ADAM10: variants seen among roughly 807,000 people sequenced by gnomAD.
ADAM10 encodes ADAM metallopeptidase domain 10.
In ADAM10, 17 loss-of-function variants were observed where a neutral mutation model predicts 90.1. The ratio of observed to expected loss-of-function variants is 0.19; its 90% confidence interval spans 0.13 to 0.28. ADAM10 has a LOEUF of 0.28. ADAM10 is among the 10% of genes least tolerant of loss of function. The pLI, the probability that ADAM10 is intolerant of heterozygous loss-of-function variation, is 1.00. For synonymous variants in ADAM10, 310 were observed against 298.6 expected (o/e 1.04, Z -0.40); for missense variants, 610 against 914.3 (o/e 0.67, Z 4.29).
chr15:58,663,858 T>C (rs569138300), intron 5 of ADAM10, among the ~76,000 whole-genome samples: 29 of 152,220 alleles, frequency 1.9e-4, no homozygotes, highest in Non-Finnish European at 3.2e-4. Flanking sequence ...AGTCTACTCG[T>C]GGTATAAATA....
Position 58,596,671 on chromosome 15 carries a change from A to G in ADAM10, c.*876T>C, listed in dbSNP as rs1894961003. The G allele has an allele frequency of 6.6e-6, 1 of 152,318 alleles. No individual in the cohort carries two copies. Among genetic ancestry groups the G allele is most frequent in the African/African-American group, 2.4e-5 (1 of 41,466 alleles). 9.4% of individuals were successfully genotyped at this position (152,318 alleles called of 1,614,324 possible). A position where few individuals can be genotyped will look rare whatever the true frequency, so the allele number is the denominator to read the frequency against. On this transcript the variant is annotated 3_prime_UTR_variant, in exon 16 of 16. Transcript: ENST00000260408. ...TCAAAGCATGAATAAAATTTCACCT[A>G]TTAATTGAAAAATGGAATTGAATTA...
At chr15:58,718,840 G>T (rs1365515591) in intron 1 of ADAM10, among the ~76,000 whole-genome samples, 1 of 152,132 alleles carries the variant, frequency 6.6e-6, no homozygotes, top group African/African-American at 2.4e-5. Context: ...GTGAACTCCA[G>T]CCACTTTGGT....
At chr15:58,626,637 G>A (rs1895954958) in intron 10 of ADAM10, among the ~76,000 whole-genome samples, 1 of 152,120 alleles carries the variant, frequency 6.6e-6, no homozygotes. Flanking sequence ...GAAAAGGAAT[G>A]GAACTCTGAT....
intron 8 of ADAM10, among the ~76,000 whole-genome samples, chr15:58,634,402 C>A (rs1407913573): frequency 6.6e-5 from 10 of 151,976 alleles, no homozygotes; most frequent in Non-Finnish European, 1.5e-4. Context: ...TATGATTGTT[C>A]CAGTATGTCT....
At position 58,682,179 on chromosome 15, in the gene ADAM10, G is replaced by T; in HGVS notation, c.325+17C>A. ...AAAAAAAATGGAAGAAAAGGGTTCTGTTAAGGTCCAACTTACCATAAATAT... is the reference window on the plus strand; with the variant it reads ...AAAAAAAATGGAAGAAAAGGGTTCTTTTAAGGTCCAACTTACCATAAATAT... On this transcript the variant is annotated intron_variant, in intron 3 of 15. Coordinates refer to ENST00000260408, the MANE Select transcript of ADAM10 (RefSeq NM_001110.4). The T allele has an allele frequency of 1.9e-6, 3 of 1,610,122 alleles. No homozygotes were observed. In the South Asian group the frequency reaches 3.3e-5, roughly 18 times the overall value.
At chr15:58,684,340 T>C (rs981305681) in intron 2 of ADAM10, among the ~76,000 whole-genome samples, 8 of 152,186 alleles carry the variant, frequency 5.3e-5, no homozygotes, top group Admixed American at 3.9e-4. Context: ...TCTGTTTCAC[T>C]CACATCTGAG....
chr15:58,648,570 T>A (rs1427887945), intron 5 of ADAM10, among the ~76,000 whole-genome samples: 1 of 152,050 alleles, frequency 6.6e-6, no homozygotes, highest in Non-Finnish European at 1.5e-5. Context: ...CAGTCTGAAA[T>A]ATGAAAAAGT....
At chr15:58,688,368 T>A (rs1275964076) in intron 2 of ADAM10, among the ~76,000 whole-genome samples, 10 of 150,568 alleles carry the variant, frequency 6.6e-5, no homozygotes, top group Admixed American at 1.3e-4. Flanking sequence ...TCTCTAATTT[T>A]AAAAAAAACA....
At chr15:58,613,495 T>C (rs1174415122) in intron 11 of ADAM10, among the ~76,000 whole-genome samples, 1 of 151,854 alleles carries the variant, frequency 6.6e-6, no homozygotes, top group African/African-American at 2.4e-5. Context: ...TAAAAAGGAA[T>C]TCAAAATAAT....
intron 11 of ADAM10, among the ~76,000 whole-genome samples, chr15:58,617,538 T>C (rs1489415056): frequency 6.6e-6 from 1 of 152,000 alleles, no homozygotes; most frequent in Non-Finnish European, 1.5e-5. Flanking sequence ...GTTATCAATA[T>C]AGTAATGGAA....
chr15:58,610,288 C>A lies in ADAM10; in HGVS notation c.2025+9G>T. The A allele has an allele frequency of 6.2e-7, 1 of 1,612,574 alleles. No individual in the cohort carries two copies. Among genetic ancestry groups the A allele is most frequent in the Non-Finnish European group, 8.5e-7 (1 of 1,178,696 alleles). ...TTAAGTTTTCTTTGTAAATAAAAAA[C>A]ATACTTACCACAATCCATTCAGCAA... is the stretch of plus-strand genomic sequence containing the variant. On this transcript the variant is annotated intron_variant, in intron 14 of 15. Transcript: ENST00000260408.
chr15:58,612,759 A>C (rs1293725639), intron 11 of ADAM10, among the ~76,000 whole-genome samples: 1 of 152,168 alleles, frequency 6.6e-6, no homozygotes, highest in African/African-American at 2.4e-5. Flanking sequence ...AGCCCGGGCT[A>C]TACCCTGCCC....
intron 2 of ADAM10, chr15:58,693,124 A>G: frequency 1.4e-6 from 1 of 738,658 alleles, no homozygotes; most frequent in Non-Finnish European, 2.6e-6. Context: ...TATGAGAGAC[A>G]TGAGTTGGGC....
chr15:58,610,737 C>T (rs1370889503), intron 13 of ADAM10: 3 of 648,712 alleles, frequency 4.6e-6, no homozygotes, highest in African/African-American at 3.6e-5. Context: ...TCAGTGTCCA[C>T]GATGACTTAA....
intron 1 of ADAM10, among the ~76,000 whole-genome samples, chr15:58,721,546 C>A (rs1232231845): frequency 3.3e-5 from 5 of 152,116 alleles, no homozygotes; most frequent in African/African-American, 1.2e-4. Context: ...AGCAGCCTAC[C>A]TGCCCCTCTG....
chr15:58,597,274 A>G lies in ADAM10; in HGVS notation c.*273T>C, dbSNP rs1894981012. The G allele has an allele frequency of 9.1e-7, 1 of 1,100,820 alleles. No homozygotes were observed. Among genetic ancestry groups the G allele is most frequent in the Non-Finnish European group, 1.3e-6 (1 of 786,346 alleles). The allele number at this position is 1,100,820 out of a possible 1,614,324, so 68.2% of individuals were successfully genotyped here. A position where few individuals can be genotyped will look rare whatever the true frequency, so the allele number is the denominator to read the frequency against. On this transcript the variant is annotated 3_prime_UTR_variant, in exon 16 of 16. Transcript: ENST00000260408. ...CAACGAAGAACAGGGAACACGGGGC[A>G]CATAATAATATTCTAAGACTTTGTG...
At chr15:58,695,640 A>C (rs371598395) in intron 2 of ADAM10, among the ~76,000 whole-genome samples, 1 of 150,240 alleles carries the variant, frequency 6.7e-6, no homozygotes, top group African/African-American at 2.5e-5. Context: ...AAGATATTTA[A>C]GTTTTAATAT....
chr15:58,627,630 T>G, intron 10 of ADAM10, 70 bp downstream of exon 10: 1 of 1,396,520 alleles, frequency 7.2e-7, no homozygotes, highest in African/African-American at 1.4e-5. Flanking sequence ...CAGTAATCAC[T>G]ATAGAATTCT....
At chr15:58,662,163 G>A (rs1364305105) in intron 5 of ADAM10, among the ~76,000 whole-genome samples, 1 of 152,092 alleles carries the variant, frequency 6.6e-6, no homozygotes, top group African/African-American at 2.4e-5. Context: ...TGGACTTAGT[G>A]TCCTCCTTTA....
Sources: gnomAD v4.1 joint callset for allele counts (sites outside exome capture counted in the v4.1 genomes callset) on GRCh38, gnomAD v4.1.1 for gene constraint, MANE v1.5 for transcripts, NCBI Gene and HGNC (gene_info 2026-07-23, HGNC 2026-07-21) for gene names.